P2RX7: variants seen among roughly 807,000 people sequenced by gnomAD.
P2RX7 encodes purinergic receptor P2X 7, also known as P2X purinoceptor 7.
A neutral mutation model predicts 71.6 loss-of-function variants in P2RX7; 62 were observed. The ratio of observed to expected loss-of-function variants is 0.87; its 90% CI spans 0.71 to 1.07. P2RX7 has a LOEUF of 1.07. Among genes scored for constraint, P2RX7 ranks in the 50% least tolerant of loss-of-function variants. P2RX7 has a pLI of 0.00. For synonymous variants in P2RX7, 299 were observed against 283.3 expected (o/e 1.06, Z -0.56); for missense variants, 686 against 748.5 (o/e 0.92, Z 0.97).
Position 121,149,223 on chromosome 12 carries a change from T to C in P2RX7, c.126-5562T>C, listed in dbSNP as rs1593030271. The C allele has an allele frequency of 3.6e-5, 12 of 330,482 alleles. No homozygotes were observed. The East Asian group carries it at 9.1e-4, about 25-fold the overall frequency. 20.5% of individuals were successfully genotyped at this position (330,482 alleles called of 1,614,324 possible). ...TCTGGTGGGTCCAGAGCAAGCAGCC[T>C]CAGGGTCCCATGGGCCCAACCTCAC... On this transcript the variant is annotated intron_variant, in intron 1 of 12. Coordinates refer to ENST00000328963, the MANE Select transcript of P2RX7 (RefSeq NM_002562.6). The surrounding 1 kb of genome is among the most constrained non-coding windows in gnomAD (Gnocchi z 4.7).
Position 121,180,451 on chromosome 12 carries a change from T to A in P2RX7, c.1286T>A (p.Val429Asp). The change falls in exon 12 of 13, where the codon GTC (valine) becomes GAC (aspartate). Residue 429 changes from valine (V) to aspartate (D), a missense_variant. Coordinates refer to ENST00000328963, the MANE Select transcript of P2RX7 (RefSeq NM_002562.6). ...RSLQDVKGQE[V>D]PRPAMDFTDL... Reference sequence around the variant, plus strand: ...CTGCAAGATGTCAAGGGCCAAGAAGTCCCAGTAAGTTAAATCATTTTGTCT... The same window carrying A: ...CTGCAAGATGTCAAGGGCCAAGAAGACCCAGTAAGTTAAATCATTTTGTCT... The A allele has an allele frequency of 6.6e-7, 1 of 1,526,294 alleles. No homozygotes were observed. The highest frequency in any genetic ancestry group is 8.9e-7 in the Non-Finnish European group (1 of 1,121,914). The allele number at this position is 1,526,294 out of a possible 1,614,324, so 94.5% of individuals were successfully genotyped here. A position where few individuals can be genotyped will look rare whatever the true frequency, so the allele number is the denominator to read the frequency against.
At chr12:121,158,841 A>G (rs10849851) in intron 3 of P2RX7, among the ~76,000 whole-genome samples, 13,480 of 152,252 alleles carry the variant, frequency 0.089, 939 homozygotes, top group East Asian at 0.26. Flanking sequence ...CATGAGCCAC[A>G]ATGAATGATC....
chr12:121,161,558 T>C (rs1466854970), intron 4 of P2RX7, among the ~76,000 whole-genome samples: 1 of 149,560 alleles, frequency 6.7e-6, no homozygotes, highest in Non-Finnish European at 1.5e-5. Context: ...TTTGGGAGGG[T>C]GAGGCAGATG....
Position 121,149,175 on chromosome 12 carries a change from T to C in P2RX7, c.126-5610T>C. ...GGATTGAGACTCTGAAGAACGACTT[T>C]ATGGTGGGCACCTTCATCTCCATCT... On this transcript the variant is annotated intron_variant, in intron 1 of 12. Coordinates refer to ENST00000328963, the MANE Select transcript of P2RX7 (RefSeq NM_002562.6). The surrounding 1 kb of genome is among the most constrained non-coding windows in gnomAD (Gnocchi z 4.7). 1 of 411,312 alleles carries C rather than the reference T, an allele frequency of 2.4e-6. No homozygotes were observed. The highest frequency in any genetic ancestry group is 4.8e-6 in the Non-Finnish European group (1 of 206,240). 25.5% of individuals were successfully genotyped at this position (411,312 alleles called of 1,614,324 possible).
At chr12:121,145,220 C>T (rs1875875601) in intron 1 of P2RX7, among the ~76,000 whole-genome samples, 1 of 152,092 alleles carries the variant, frequency 6.6e-6, no homozygotes, top group African/African-American at 2.4e-5. Flanking sequence ...GAGGAGTAGC[C>T]ACGGCGATCC....
rs117642142 is a variant in P2RX7 at position 121,166,399 on chromosome 12, C to T, written c.744+212C>T. ...TGAGTGAGAGCTACTTGGTGTATTCCTTTCCTGTGGCTGCTGTAGCAAGTT... is the reference window on the plus strand; with the variant it reads ...TGAGTGAGAGCTACTTGGTGTATTCTTTTCCTGTGGCTGCTGTAGCAAGTT... On this transcript the variant is annotated intron_variant, in intron 7 of 12. Coordinates refer to ENST00000328963, the MANE Select transcript of P2RX7 (RefSeq NM_002562.6). 1.1e-4 allele frequency among the ~76,000 whole-genome samples: 17 copies of T among 152,334 alleles called. No individual in the cohort carries two copies. In the East Asian group the frequency reaches 2.9e-3, roughly 26 times the overall value.
chr12:121,167,749 G>A, intron 8 of P2RX7, 125 bp downstream of exon 8: 6 of 717,072 alleles, frequency 8.4e-6, no homozygotes, highest in Non-Finnish European at 1.1e-5. Flanking sequence ...AGAACTAGGT[G>A]ATAACTGAAT....
Position 121,166,181 on chromosome 12 carries a change from A to G in P2RX7, c.738A>G (p.Ala246=). 1 of 1,613,146 alleles carries G rather than the reference A, an allele frequency of 6.2e-7. No homozygotes were observed. Among genetic ancestry groups the G allele is most frequent in the African/African-American group, 1.3e-5 (1 of 74,988 alleles). The change falls in exon 7 of 13, where the codon GCA becomes GCG. Residue 246 remains alanine (A), a synonymous_variant. Transcript: ENST00000328963. ...RETGDNFSDV[A]IQGGIMGIEI... is the part of the protein sequence containing the mutation. ...CAGGCGATAATTTTTCAGATGTGGCAATTCAGGTTGGTGGTGCTTTGTACA... is the reference window on the plus strand; with the variant it reads ...CAGGCGATAATTTTTCAGATGTGGCGATTCAGGTTGGTGGTGCTTTGTACA...
intron 1 of P2RX7, among the ~76,000 whole-genome samples, chr12:121,143,537 G>C (rs533984887): frequency 1.3e-5 from 2 of 151,158 alleles, no homozygotes; most frequent in East Asian, 3.9e-4. Flanking sequence ...CTGGGCGACA[G>C]AGTGAGACCC....
chr12:121,161,365 G>T (rs1375689655), intron 4 of P2RX7, among the ~76,000 whole-genome samples: 2 of 151,976 alleles, frequency 1.3e-5, no homozygotes, highest in Admixed American at 1.3e-4. Flanking sequence ...AATTTTTTTT[G>T]TTTTTTATTT....
Position 121,185,356 on chromosome 12 carries a change from C to T in P2RX7, c.*554C>T, listed in dbSNP as rs1404884539. ...AGTTGTGTGACCCTAGGCCTCTCAC[C>T]TCTGTGCCTCTGTCTCCTTGTTGCC... is the stretch of plus-strand genomic sequence containing the variant. On this transcript the variant is annotated 3_prime_UTR_variant, in exon 13 of 13. Coordinates refer to ENST00000328963, the MANE Select transcript of P2RX7 (RefSeq NM_002562.6). 2 of 153,124 alleles carry T rather than the reference C, an allele frequency of 1.3e-5. No individual in the cohort carries two copies. The allele number at this position is 153,124 out of a possible 1,614,324, so 9.5% of individuals were successfully genotyped here. A position where few individuals can be genotyped will look rare whatever the true frequency, so the allele number is the denominator to read the frequency against.
chr12:121,164,266 G>A (rs953800577), intron 5 of P2RX7, among the ~76,000 whole-genome samples: 4 of 152,270 alleles, frequency 2.6e-5, no homozygotes, highest in Admixed American at 1.3e-4. Context: ...AAGATGGTTC[G>A]TTTAATCATT....
intron 8 of P2RX7, 60 bp from the exon 9 acceptor site, chr12:121,175,328 A>C: frequency 1.9e-6 from 2 of 1,029,224 alleles, no homozygotes; most frequent in South Asian, 3.0e-5. Flanking sequence ...AAAAAAAAAA[A>C]ACCCAAAACC....
chr12:121,177,569 T>C (rs1883371593), intron 11 of P2RX7, 123 bp downstream of exon 11: 4 of 886,018 alleles, frequency 4.5e-6, no homozygotes, highest in South Asian at 3.4e-5. Flanking sequence ...CGCTGGGTTC[T>C]ACCCCGATCA....
intron 4 of P2RX7, 143 bp downstream of exon 4, chr12:121,161,117 T>TG: frequency 1.4e-6 from 1 of 729,168 alleles, no homozygotes; most frequent in East Asian, 2.5e-5. Flanking sequence ...AGTCTGCCCA[T>TG]GCTTCGGCTC....
intron 8 of P2RX7, among the ~76,000 whole-genome samples, chr12:121,170,896 T>C (rs1326546170): frequency 6.6e-6 from 1 of 152,198 alleles, no homozygotes; most frequent in African/African-American, 2.4e-5. Context: ...TCAGAAAATA[T>C]AACTTTCTAA....
At chr12:121,155,588 CT>C (rs1271090483) in intron 2 of P2RX7, among the ~76,000 whole-genome samples, 2 of 152,074 alleles carry the variant, frequency 1.3e-5, no homozygotes, top group East Asian at 3.9e-4. Context: ...AGCTAAAATG[CT>C]TTGCAAAGAC....
chr12:121,146,867 C>A (rs1279419116), intron 1 of P2RX7, among the ~76,000 whole-genome samples: 1 of 152,192 alleles, frequency 6.6e-6, no homozygotes, highest in Admixed American at 6.5e-5. Context: ...CCCGCTTTCA[C>A]CGCTGCTGTT....
intron 3 of P2RX7, among the ~76,000 whole-genome samples, chr12:121,157,526 TC>T (rs1173335216): frequency 3.9e-5 from 6 of 152,176 alleles, no homozygotes; most frequent in South Asian, 2.1e-4. Context: ...CCCTTCTGTC[TC>T]CCTTCCCAGC....
Sources: allele counts gnomAD v4.1 joint callset (sites outside exome capture counted in the v4.1 genomes callset), GRCh38; gene constraint gnomAD v4.1.1; non-coding constraint Gnocchi (gnomAD v3.1); transcripts MANE v1.5; gene names NCBI Gene and HGNC (gene_info 2026-07-23, HGNC 2026-07-21).